Variants in TAFA2 observed in about 807,000 individuals in gnomAD.
TAFA2 encodes chemokine-like protein TAFA-2.
TAFA2 carries 7 observed loss-of-function variants against 18.8 expected under a neutral mutation model. That is an observed-to-expected ratio of 0.37 (90% confidence interval 0.21 to 0.70). TAFA2 has a LOEUF of 0.70. Ranked by LOEUF, TAFA2 falls within the 30% of genes least tolerant of loss-of-function variation. The pLI, the probability that TAFA2 is intolerant of heterozygous loss-of-function variation, is 0.53. For missense variants in TAFA2, 122 were observed against 158.1 expected (o/e 0.77, Z 1.23); for synonymous variants, 60 against 54.2 (o/e 1.11, Z -0.47).
At chr12:61,959,868 T>A (rs1878822003) in intron 1 of TAFA2, among the ~76,000 whole-genome samples, 1 of 152,076 alleles carries the variant, frequency 6.6e-6, no homozygotes, top group African/African-American at 2.4e-5. Flanking sequence ...TCACTATTTT[T>A]TTTTATTTTT....
chr12:61,898,205 C>T (rs898830922), intron 1 of TAFA2, among the ~76,000 whole-genome samples: 5 of 151,298 alleles, frequency 3.3e-5, no homozygotes, highest in Middle Eastern at 3.4e-3. Context: ...CCACCACCCC[C>T]AGCTGCTTTC....
At chr12:62,068,499 G>A (rs1352842112) in intron 1 of TAFA2, among the ~76,000 whole-genome samples, 1 of 152,008 alleles carries the variant, frequency 6.6e-6, no homozygotes, top group Non-Finnish European at 1.5e-5. Context: ...TATTTTTTCT[G>A]CTGGTATCCA....
intron 4 of TAFA2, among the ~76,000 whole-genome samples, chr12:61,721,707 A>G (rs1198778757): frequency 2.6e-5 from 4 of 152,176 alleles, no homozygotes; most frequent in Non-Finnish European, 5.9e-5. Flanking sequence ...TGTTATCCCA[A>G]CACTTTGGGA....
At chr12:61,791,687 T>G (rs185394192) in intron 2 of TAFA2, among the ~76,000 whole-genome samples, 1 of 151,882 alleles carries the variant, frequency 6.6e-6, no homozygotes, top group Non-Finnish European at 1.5e-5. Context: ...TCACTCCAGT[T>G]AAATGGCTGT....
intron 2 of TAFA2, among the ~76,000 whole-genome samples, chr12:61,798,928 C>A (rs564683521): frequency 1.1e-4 from 16 of 152,278 alleles, no homozygotes; most frequent in Non-Finnish European, 2.2e-4. Context: ...AATTTTAATT[C>A]TCTATTTTTC....
intron 2 of TAFA2, among the ~76,000 whole-genome samples, chr12:61,806,450 A>G (rs1163728100): frequency 6.6e-6 from 1 of 152,176 alleles, no homozygotes; most frequent in African/African-American, 2.4e-5. Flanking sequence ...TTCTTTATAA[A>G]TTTCCCAGTC....
At chr12:61,801,164 G>T (rs1438378465) in intron 2 of TAFA2, among the ~76,000 whole-genome samples, 2 of 152,078 alleles carry the variant, frequency 1.3e-5, no homozygotes, top group Non-Finnish European at 2.9e-5. Flanking sequence ...TGAATTGGAA[G>T]AATTAATATT....
intron 2 of TAFA2, among the ~76,000 whole-genome samples, chr12:61,857,568 T>C (rs1873935518): frequency 6.6e-6 from 1 of 152,230 alleles, no homozygotes; most frequent in Non-Finnish European, 1.5e-5. Flanking sequence ...GAAGCTTAGA[T>C]AAGATTTCCC....
chr12:61,977,062 A>T (rs1920705), intron 1 of TAFA2, among the ~76,000 whole-genome samples: 146,550 of 152,118 alleles, frequency 0.96, 70,670 homozygotes, highest in South Asian at 0.99. Flanking sequence ...CTGGGTCAAA[A>T]GTTATTTCTA....
intron 2 of TAFA2, among the ~76,000 whole-genome samples, chr12:61,828,858 C>T (rs1457697588): frequency 1.3e-5 from 2 of 151,684 alleles, no homozygotes; most frequent in Non-Finnish European, 3.0e-5. Context: ...TTGGCCTTCA[C>T]CAACAGTAGC....
At chr12:61,839,165 AG>A (rs1873067582) in intron 2 of TAFA2, among the ~76,000 whole-genome samples, 1 of 152,094 alleles carries the variant, frequency 6.6e-6, no homozygotes, top group African/African-American at 2.4e-5. Context: ...AAGATGGGCA[AG>A]AAAGATGTAA....
At chr12:62,218,257 A>C (rs1179998646) in intron 1 of TAFA2, among the ~76,000 whole-genome samples, 1 of 152,102 alleles carries the variant, frequency 6.6e-6, no homozygotes, top group Non-Finnish European at 1.5e-5. Context: ...TCAGCCTCCC[A>C]AAGTGCTGGG....
At position 61,932,175 on chromosome 12, in the gene TAFA2, T is replaced by G. The variant is rs534031260; in HGVS notation, c.-1-64749A>C. 2.6e-4 allele frequency among the ~76,000 whole-genome samples: 39 copies of G among 152,324 alleles called. No homozygotes were observed. The South Asian group carries it at 8.1e-3, about 32-fold the overall frequency. ...TAAAGGGAGAAAACCAGATTTTAGA[T>G]TTTCCTATTTGAAGAATAGTCTCCA... On this transcript the variant is annotated intron_variant, in intron 1 of 4. Transcript: ENST00000416284.
At chr12:62,165,050 TG>T (rs1565766948) in intron 1 of TAFA2, among the ~76,000 whole-genome samples, 1 of 152,010 alleles carries the variant, frequency 6.6e-6, no homozygotes, top group African/African-American at 2.4e-5. Context: ...CCCAATACCT[TG>T]GGGAAAATCA....
intron 1 of TAFA2, among the ~76,000 whole-genome samples, chr12:62,170,155 A>C (rs760084975): frequency 3.9e-5 from 6 of 152,196 alleles, no homozygotes; most frequent in Non-Finnish European, 8.8e-5. Context: ...CCCTAGGGCA[A>C]GACTTAATAG....
chr12:62,160,720 C>T (rs764732448), intron 1 of TAFA2, among the ~76,000 whole-genome samples: 2 of 152,118 alleles, frequency 1.3e-5, no homozygotes, highest in East Asian at 1.9e-4. Context: ...CCCATGTCTG[C>T]GTGAGTTATC....
chr12:61,827,164 C>T (rs1013594018), intron 2 of TAFA2: 3 of 151,992 alleles, frequency 2.0e-5, no homozygotes, highest in Non-Finnish European at 4.4e-5. Flanking sequence ...CTTCTCCTTC[C>T]CCTGCATTTT....
intron 2 of TAFA2, among the ~76,000 whole-genome samples, chr12:61,779,026 A>G (rs533628907): frequency 1.3e-5 from 2 of 152,022 alleles, no homozygotes; most frequent in Non-Finnish European, 2.9e-5. Context: ...TGTAAATAAA[A>G]GGTCACCACC....
chr12:61,742,009 G>A (rs78076910), intron 4 of TAFA2, among the ~76,000 whole-genome samples: 3,054 of 152,132 alleles, frequency 0.02, 115 homozygotes, highest in African/African-American at 0.069. Flanking sequence ...CAATTCTCAT[G>A]CCTCAGCCTC....
Sources: allele counts gnomAD v4.1 joint callset (sites outside exome capture counted in the v4.1 genomes callset), GRCh38; gene constraint gnomAD v4.1.1; transcripts MANE v1.5; gene names NCBI Gene and HGNC (gene_info 2026-07-23, HGNC 2026-07-21).